PPP2R3B: variants seen among roughly 807,000 people sequenced by gnomAD.
PPP2R3B encodes the protein protein phosphatase 2 regulatory subunit B''beta, also known as serine/threonine-protein phosphatase 2A regulatory subunit B'' subunit beta.
A neutral mutation model predicts 72.9 loss-of-function variants in PPP2R3B; 68 were observed. The ratio of observed to expected loss-of-function variants is 0.93; its 90% CI spans 0.77 to 1.14. The LOEUF is 1.14. Ranked by LOEUF, PPP2R3B falls within the 50% of genes most tolerant of loss-of-function variation. The probability of loss-of-function intolerance (pLI) is 0.00; values close to 1 mark genes in which losing one functional copy is unlikely to be tolerated. For missense variants in PPP2R3B, 1,018 were observed against 842.0 expected, an observed-to-expected ratio of 1.21 and a Z score of -2.59; for synonymous variants, 466 against 375.8, an observed-to-expected ratio of 1.24 and a Z score of -2.78.
At chrX:363,596 C>CGAGCCCACCATCCCACAGTCATCTCCCT (rs2071604709) in intron 1 of PPP2R3B, among the ~76,000 whole-genome samples, 1 of 144,904 alleles carries the variant, frequency 6.9e-6, no homozygotes, top group African/African-American at 2.6e-5. Context: ...TGCATCTCCC[C>CGAGCCCACCATCCCACAGTCATCTCCCT]GTGCCCGCAA....
chrX:384,278 CTCTCTA>C (rs1398451286), intron 1 of PPP2R3B, among the ~76,000 whole-genome samples: 153 of 148,390 alleles, frequency 1.0e-3, no homozygotes, highest in African/African-American at 3.6e-3. Context: ...CTCTCTCTCT[CTCTCTA>C]TATATATATA....
Position 347,630 on chromosome X carries a change from C to A in PPP2R3B, c.574G>T (p.Gly192Cys). ...LFYGAGGERT[G>C]SVSVHKFVAM... Reference sequence around the variant, plus strand: ...ACGAACTTGTGGACGGACACGGAGCCCGTGCGCTCCCCGCCGGCGCCATAG... The same window carrying A: ...ACGAACTTGTGGACGGACACGGAGCACGTGCGCTCCCCGCCGGCGCCATAG... Residue 192 changes from glycine to cysteine, a missense_variant, in exon 3 of 13, where the codon GGC (glycine) becomes TGC (cysteine). Gly to Cys is a radical substitution (Grantham distance 159). Coordinates refer to ENST00000390665, the MANE Select transcript of PPP2R3B (RefSeq NM_013239.5). 6.3e-7 allele frequency: 1 copy of A among 1,576,828 alleles called. No homozygotes were observed. The highest frequency in any genetic ancestry group is 2.3e-5 in the East Asian group (1 of 43,454).
At chrX:341,046 C>T (rs1178653294) in intron 9 of PPP2R3B, 106 bp from the exon 10 acceptor site, 38 of 1,448,164 alleles carry the variant, frequency 2.6e-5, no homozygotes, top group Non-Finnish European at 3.4e-5. Flanking sequence ...CCCGCTGTGC[C>T]TTGCAGCCCC....
Position 375,320 on chromosome X carries a change from G to A in PPP2R3B, c.324+11048C>T, listed in dbSNP as rs192436699. Among the ~76,000 whole-genome samples, 15 of 152,040 alleles carry A rather than the reference G, an allele frequency of 9.9e-5. No individual in the cohort carries two copies. The East Asian group carries it at 1.4e-3, about 14-fold the overall frequency. ...CACCCAGTAACCCACGATGCGGGGCGCAAACTCACAGGGCAGAGGTGCCGC... is the reference window on the plus strand; with the variant it reads ...CACCCAGTAACCCACGATGCGGGGCACAAACTCACAGGGCAGAGGTGCCGC... On this transcript the variant is annotated intron_variant, in intron 1 of 12. Transcript: ENST00000390665.
chrX:346,137 C>CA lies in PPP2R3B; in HGVS notation c.879+36dup, dbSNP rs2071205227. The CA allele has an allele frequency of 2.8e-6, 4 of 1,427,582 alleles. No individual in the cohort carries two copies. In the African/African-American group the frequency reaches 8.0e-5, roughly 29 times the overall value. 88.4% of individuals were successfully genotyped at this position (1,427,582 alleles called of 1,614,324 possible). On this transcript the variant is annotated intron_variant, in intron 6 of 12. Transcript: ENST00000390665. ...GGAGTGGAGGTAGGAGGGGTAGGGA[C>CA]AAGGCAGGGGGCAGGGGACAGGGGG...
At chrX:367,547 G>A (rs1224521777) in intron 1 of PPP2R3B, among the ~76,000 whole-genome samples, 1 of 152,126 alleles carries the variant, frequency 6.6e-6, no homozygotes, top group Admixed American at 6.5e-5. Context: ...ACAGGTGTGA[G>A]GCCCCGTGCC....
chrX:342,183 T>A, intron 7 of PPP2R3B: 2 of 603,316 alleles, frequency 3.3e-6, no homozygotes, highest in Non-Finnish European at 5.9e-6. Context: ...GACCGACTTG[T>A]AAAGAGCAGA....
chrX:347,986 C>T (rs896077749), intron 2 of PPP2R3B: 20 of 412,266 alleles, frequency 4.9e-5, no homozygotes, highest in Admixed American at 2.1e-4. Flanking sequence ...GGAAATCAAG[C>T]GGCACGTACT....
At chrX:352,560 G>A (rs186988949) in intron 2 of PPP2R3B, among the ~76,000 whole-genome samples, 219 of 148,150 alleles carry the variant, frequency 1.5e-3, no homozygotes, top group African/African-American at 4.8e-3. Flanking sequence ...TGTGTGGATC[G>A]TCTGCCTGTG....
intron 1 of PPP2R3B, among the ~76,000 whole-genome samples, chrX:364,276 G>A (rs1000253039): frequency 1.3e-5 from 2 of 152,176 alleles, no homozygotes; most frequent in African/African-American, 2.4e-5. Context: ...TGGAGCTGCT[G>A]GTACGAGCTG....
chrX:376,824 G>C (rs868163230), intron 1 of PPP2R3B, among the ~76,000 whole-genome samples: 1 of 121,356 alleles, frequency 8.2e-6, no homozygotes, highest in Non-Finnish European at 1.8e-5. Flanking sequence ...CTGTATACAG[G>C]GACGGGCCGT....
Position 340,907 on chromosome X carries a change from G to A in PPP2R3B, c.1209C>T (p.Asp403=), listed in dbSNP as rs371585662. 76 of 1,611,726 alleles carry A rather than the reference G, an allele frequency of 4.7e-5. 1 individual carries two copies. Among genetic ancestry groups the A allele is most frequent in the African/African-American group, 3.2e-4 (24 of 74,882 alleles). The change falls in exon 10 of 13, where the codon GAC becomes GAT. Residue 403 remains aspartate, a synonymous_variant. Coordinates refer to ENST00000390665, the MANE Select transcript of PPP2R3B (RefSeq NM_013239.5). The part of the protein sequence containing the change: ...IEYWFRCMDL[D]GDGALSMFEL... ...CGAACATGGACAGGGCGCCGTCCCCGTCCAGGTCCATGCAGCGGAACCAGT... is the reference window on the plus strand; with the variant it reads ...CGAACATGGACAGGGCGCCGTCCCCATCCAGGTCCATGCAGCGGAACCAGT...
At chrX:380,099 C>T (rs1177979585) in intron 1 of PPP2R3B, among the ~76,000 whole-genome samples, 5 of 151,940 alleles carry the variant, frequency 3.3e-5, no homozygotes, top group African/African-American at 1.2e-4. Context: ...GATCACAGGC[C>T]GAAACGCAAA....
chrX:345,122 A>G (rs1347866014), intron 7 of PPP2R3B: 6 of 487,272 alleles, frequency 1.2e-5, no homozygotes, highest in Non-Finnish European at 2.4e-5. Context: ...CTAGCCCGGG[A>G]TTGGATGGAA....
intron 2 of PPP2R3B, among the ~76,000 whole-genome samples, chrX:359,096 G>A (rs1477146884): frequency 3.3e-5 from 5 of 152,196 alleles, no homozygotes; most frequent in Non-Finnish European, 5.9e-5. Flanking sequence ...CGGACGCAGC[G>A]CGTGAGCTGC....
chrX:364,113 C>T (rs1418682336), intron 1 of PPP2R3B, among the ~76,000 whole-genome samples: 2 of 152,256 alleles, frequency 1.3e-5, no homozygotes, highest in Non-Finnish European at 2.9e-5. Flanking sequence ...CCCGAAATCT[C>T]TCACAGCCTT....
intron 2 of PPP2R3B, among the ~76,000 whole-genome samples, chrX:357,762 T>A (rs2071465042): frequency 6.6e-6 from 1 of 152,020 alleles, no homozygotes. Context: ...TGTTTTCCTG[T>A]GGGGGCAGCT....
rs867547890 is a variant in PPP2R3B at position 341,502 on chromosome X, G to A, written c.1086-106C>T. 2.6e-5 allele frequency: 29 copies of A among 1,100,106 alleles called. No homozygotes were observed. In the East Asian group the frequency reaches 3.1e-4, roughly 12 times the overall value. 68.1% of individuals were successfully genotyped at this position (1,100,106 alleles called of 1,614,324 possible). On this transcript the variant is annotated intron_variant, in intron 8 of 12. Transcript: ENST00000390665. ...TCGGTGAGGGGAGCCCCCCGGGCCC[G>A]GCCCTCCTCCTGCCCCCCTCCTGCC... is the stretch of plus-strand genomic sequence containing the variant.
chrX:345,467 G>GT, intron 7 of PPP2R3B, 49 bp downstream of exon 7: 1 of 1,609,332 alleles, frequency 6.2e-7, no homozygotes, highest in South Asian at 1.1e-5. Context: ...CTGAGAGAAG[G>GT]GTGTGCTCGG....
Sources: gnomAD v4.1 joint callset for allele counts (sites outside exome capture counted in the v4.1 genomes callset) on GRCh38, gnomAD v4.1.1 for gene constraint, MANE v1.5 for transcripts, NCBI Gene and HGNC (gene_info 2026-07-23, HGNC 2026-07-21) for gene names.